The following ERC1 variants were observed in gnomAD, a reference collection of about 807,000 sequenced individuals.
ERC1 encodes RAB6 interacting protein 2.
ERC1 carries 56 observed loss-of-function variants against 132.0 expected under a neutral mutation model. The ratio of observed to expected loss-of-function variants is 0.42; its 90% CI spans 0.34 to 0.53. The LOEUF is 0.53. Ranked by LOEUF, ERC1 falls within the 20% of genes least tolerant of loss-of-function variation. The pLI is 0.03. For synonymous variants in ERC1, 478 were observed against 476.1 expected (o/e 1.00, Z -0.05); for missense variants, 1,202 against 1,349.9 (o/e 0.89, Z 1.72).
chr12:1,172,599 G>A lies in ERC1; in HGVS notation c.1738-7941G>A, dbSNP rs560538318. 3.3e-5 allele frequency among the ~76,000 whole-genome samples: 5 copies of A among 152,138 alleles called. No individual in the cohort carries two copies. The South Asian group carries it at 8.3e-4, about 25-fold the overall frequency. On this transcript the variant is annotated intron_variant, in intron 8 of 18. Coordinates refer to ENST00000360905, the MANE Select transcript of ERC1 (RefSeq NM_178040.4). Reference sequence around the variant, plus strand: ...CTATTATCATTGACGGCACAGATGTGTAGAATAAATGCCAGTTCCTTTGAT... The same window carrying A: ...CTATTATCATTGACGGCACAGATGTATAGAATAAATGCCAGTTCCTTTGAT...
intron 2 of ERC1, among the ~76,000 whole-genome samples, chr12:1,041,011 A>G (rs573396037): frequency 1.2e-4 from 18 of 152,298 alleles, no homozygotes; most frequent in Admixed American, 4.6e-4. Flanking sequence ...TGTTGGCCAC[A>G]GGACCTCTGT....
chr12:1,431,670 G>A (rs547770596), intron 17 of ERC1, among the ~76,000 whole-genome samples: 8 of 152,056 alleles, frequency 5.3e-5, no homozygotes, highest in Non-Finnish European at 1.0e-4. Context: ...TTTCCATTTA[G>A]CCAATGTTTT....
intron 1 of ERC1, among the ~76,000 whole-genome samples, chr12:1,022,406 G>A (rs1966515871): frequency 1.3e-5 from 2 of 152,186 alleles, no homozygotes; most frequent in Admixed American, 1.3e-4. Flanking sequence ...GGTATGTAGT[G>A]ATTTTATTTC....
rs372497627 is a variant in ERC1, at chr12:1,243,865, G to A, written c.2487+6961G>A. ...TGAATGCCAGTTCTTTATCCGAAGT[G>A]TTACTGTGGATGAAGTTTTCATGAA... On this transcript the variant is annotated intron_variant, in intron 13 of 18. Transcript: ENST00000360905. Among the ~76,000 whole-genome samples, 8 of 152,294 alleles carry A rather than the reference G, an allele frequency of 5.3e-5. No individual in the cohort carries two copies. In the South Asian group the frequency reaches 6.2e-4, roughly 12 times the overall value.
In ERC1 at chr12:1,272,595, C is replaced by A. The variant is rs144197436; in HGVS notation, c.2619+9430C>A. Reference sequence around the variant, plus strand: ...TATTCTCTGAGAGTCTGTCTTAGATCAATACAGGTTCTTAATCTGTACATT... The same window carrying A: ...TATTCTCTGAGAGTCTGTCTTAGATAAATACAGGTTCTTAATCTGTACATT... On this transcript the variant is annotated intron_variant, in intron 14 of 18. Coordinates refer to ENST00000360905, the MANE Select transcript of ERC1 (RefSeq NM_178040.4). Among the ~76,000 whole-genome samples the A allele has an allele frequency of 5.1e-3, 772 of 152,248 alleles. 9 individuals are homozygous for A. The highest frequency in any genetic ancestry group is 0.018 in the African/African-American group (741 of 41,552).
chr12:1,479,029 T>G (rs114523870), intron 18 of ERC1, among the ~76,000 whole-genome samples: 340 of 152,362 alleles, frequency 2.2e-3, no homozygotes, highest in African/African-American at 7.6e-3. Context: ...AATCCAAATG[T>G]GTTTTGCATA....
intron 7 of ERC1, among the ~76,000 whole-genome samples, chr12:1,135,782 G>A (rs1949189193): frequency 6.6e-6 from 1 of 152,174 alleles, no homozygotes; most frequent in African/African-American, 2.4e-5. Context: ...GCAAGGTCCT[G>A]CTACACCTTT....
chr12:1,059,809 C>T (rs1973665174), intron 2 of ERC1, among the ~76,000 whole-genome samples: 1 of 152,020 alleles, frequency 6.6e-6, no homozygotes, highest in Non-Finnish European at 1.5e-5. Flanking sequence ...TGTTTCTGTA[C>T]CCTTGTCTGG....
chr12:1,232,229 T>A (rs2154300424), intron 12 of ERC1, among the ~76,000 whole-genome samples: 1 of 152,342 alleles, frequency 6.6e-6, no homozygotes, highest in Non-Finnish European at 1.5e-5. Context: ...TTTCTCCTGC[T>A]GCTTTCAAAA....
intron 15 of ERC1, among the ~76,000 whole-genome samples, chr12:1,346,714 G>C (rs552592488): frequency 2.6e-5 from 4 of 151,458 alleles, no homozygotes; most frequent in Middle Eastern, 3.2e-3. Context: ...AGGCCGAGGC[G>C]GGTGGATCAT....
chr12:1,454,457 G>A (rs1275799022), intron 18 of ERC1, among the ~76,000 whole-genome samples: 1 of 152,130 alleles, frequency 6.6e-6, no homozygotes, highest in African/African-American at 2.4e-5. Context: ...ACCTGTGATT[G>A]GCATCTGAAG....
At chr12:1,081,248 G>T (rs1461977830) in intron 2 of ERC1, among the ~76,000 whole-genome samples, 1 of 152,090 alleles carries the variant, frequency 6.6e-6, no homozygotes, top group Non-Finnish European at 1.5e-5. Flanking sequence ...TCAGATTAAA[G>T]GTTCGTGTAC....
intron 1 of ERC1, 106 bp downstream of exon 1, chr12:991,428 C>G (rs908108976): frequency 6.5e-6 from 1 of 153,220 alleles, no homozygotes; most frequent in East Asian, 1.9e-4. Flanking sequence ...CAGCTTCTTG[C>G]TCACGGCCCG....
chr12:1,370,516 A>G (rs1408392210), intron 15 of ERC1, among the ~76,000 whole-genome samples: 1 of 152,252 alleles, frequency 6.6e-6, no homozygotes, highest in Non-Finnish European at 1.5e-5. Flanking sequence ...AAATGTCTTC[A>G]GTGTCAGTAA....
intron 18 of ERC1, among the ~76,000 whole-genome samples, chr12:1,469,464 CAGAA>C (rs1168840776): frequency 6.6e-6 from 1 of 152,252 alleles, no homozygotes; most frequent in Non-Finnish European, 1.5e-5. Flanking sequence ...GCTGTTTTCT[CAGAA>C]AGAGAGGCAA....
At chr12:1,009,694 A>T (rs1964364377) in intron 1 of ERC1, among the ~76,000 whole-genome samples, 1 of 152,172 alleles carries the variant, frequency 6.6e-6, no homozygotes, top group Admixed American at 6.5e-5. Context: ...AGAAAAAAAG[A>T]AACATAATTT....
rs527700780 is a variant in ERC1, at chr12:1,343,103, G to A, written c.2781-28730G>A. ...AAATGTTTATTAAGAAAACAGTCCTGTTTTGACAGACAGGAGTTAGAGCAC... is the reference window on the plus strand; with the variant it reads ...AAATGTTTATTAAGAAAACAGTCCTATTTTGACAGACAGGAGTTAGAGCAC... On this transcript the variant is annotated intron_variant, in intron 15 of 18. Coordinates refer to ENST00000360905, the MANE Select transcript of ERC1 (RefSeq NM_178040.4). Among the ~76,000 whole-genome samples, 14 of 152,278 alleles carry A rather than the reference G, an allele frequency of 9.2e-5. No individual in the cohort carries two copies. In the South Asian group the frequency reaches 2.7e-3, roughly 29 times the overall value.
chr12:1,412,097 T>C (rs1209307952), intron 17 of ERC1, among the ~76,000 whole-genome samples: 1 of 152,226 alleles, frequency 6.6e-6, no homozygotes, highest in Non-Finnish European at 1.5e-5. Context: ...TGTTTCCAAT[T>C]TTATAAAATG....
In ERC1 at chr12:1,269,358, G is replaced by T. The variant is rs76038152; in HGVS notation, c.2619+6193G>T. On this transcript the variant is annotated intron_variant, in intron 14 of 18. Transcript: ENST00000360905. Reference sequence around the variant, plus strand: ...AGCGGCTTTGTCCTGGGCCTTGAAGGCTAAGAAGCTTACCATGTGACAAGT... The same window carrying T: ...AGCGGCTTTGTCCTGGGCCTTGAAGTCTAAGAAGCTTACCATGTGACAAGT... Among the ~76,000 whole-genome samples the T allele has an allele frequency of 8.6e-3, 1,305 of 152,300 alleles. 18 individuals are homozygous for T. Among genetic ancestry groups the T allele is most frequent in the African/African-American group, 0.03 (1,237 of 41,564 alleles).
Sources: gnomAD v4.1 joint callset for allele counts (sites outside exome capture counted in the v4.1 genomes callset) on GRCh38, gnomAD v4.1.1 for gene constraint, MANE v1.5 for transcripts, NCBI Gene and HGNC (gene_info 2026-07-23, HGNC 2026-07-21) for gene names.